Variants in TEX36 observed in about 807,000 individuals in gnomAD.
The protein encoded by TEX36 is testis-expressed protein 36.
A neutral mutation model predicts 13.6 loss-of-function variants in TEX36; 12 were observed. That is an observed-to-expected ratio of 0.88 (90% CI 0.56 to 1.43). The LOEUF is 1.43. Among genes scored for constraint, TEX36 ranks in the 40% most tolerant of loss-of-function variants. The probability of loss-of-function intolerance (pLI) is 0.00; values close to 1 mark genes in which losing one functional copy is unlikely to be tolerated. For synonymous variants in TEX36, 93 were observed against 83.0 expected, an observed-to-expected ratio of 1.12 and a Z score of -0.65; for missense variants, 224 against 228.3, an observed-to-expected ratio of 0.98 and a Z score of 0.12.
intron 1 of TEX36, among the ~76,000 whole-genome samples, chr10:125,665,765 G>A (rs1368278040): frequency 6.6e-6 from 1 of 152,122 alleles, no homozygotes; most frequent in Non-Finnish European, 1.5e-5. Flanking sequence ...TTTTGATAGA[G>A]GTTGCATTGA....
chr10:125,656,504 C>A (rs149208707), intron 3 of TEX36, among the ~76,000 whole-genome samples: 1 of 151,860 alleles, frequency 6.6e-6, no homozygotes, highest in African/African-American at 2.4e-5. Flanking sequence ...GCAATCTGCC[C>A]GCCTCAGCCT....
chr10:125,593,146 A>T (rs1473242727), intron 3 of TEX36, among the ~76,000 whole-genome samples: 2 of 152,186 alleles, frequency 1.3e-5, no homozygotes, highest in East Asian at 1.9e-4. Context: ...CACAGAGTTG[A>T]TTCTTCTGGC....
At chr10:125,603,142 G>A (rs1846170296) in intron 3 of TEX36, among the ~76,000 whole-genome samples, 1 of 152,188 alleles carries the variant, frequency 6.6e-6, no homozygotes, top group Non-Finnish European at 1.5e-5. Context: ...AGGCCAACCA[G>A]CCTTCCTGTC....
intron 3 of TEX36, among the ~76,000 whole-genome samples, chr10:125,585,193 C>T (rs1845928616): frequency 1.3e-5 from 2 of 152,062 alleles, no homozygotes; most frequent in Non-Finnish European, 2.9e-5. Context: ...GTCAGTCATC[C>T]CCTGGCTTAA....
intron 3 of TEX36, among the ~76,000 whole-genome samples, chr10:125,582,159 T>C (rs1351934649): frequency 6.6e-6 from 1 of 152,154 alleles, no homozygotes; most frequent in Non-Finnish European, 1.5e-5. Context: ...GCCAGCAGCA[T>C]CCCGCAGGGG....
chr10:125,682,101 AT>A (rs1253313465), intron 1 of TEX36, among the ~76,000 whole-genome samples: 19 of 152,318 alleles, frequency 1.2e-4, no homozygotes, highest in South Asian at 4.1e-4. Context: ...TACTGCTGTG[AT>A]TTCCCCTTAA....
At chr10:125,645,945 A>T (rs1244389443) in intron 3 of TEX36, among the ~76,000 whole-genome samples, 1 of 152,238 alleles carries the variant, frequency 6.6e-6, no homozygotes, top group Non-Finnish European at 1.5e-5. Flanking sequence ...ATCACTGACC[A>T]CAATGCAGAA....
In TEX36 at chr10:125,661,934, G is replaced by C. The variant is rs763254561; in HGVS notation, c.95C>G (p.Thr32Ser). 1.9e-6 allele frequency: 3 copies of C among 1,552,364 alleles called. No homozygotes were observed. In the South Asian group the frequency reaches 3.6e-5, roughly 18 times the overall value. Reference sequence around the variant, plus strand: ...CTGGGGCTCTTTTGACGTAGCACTGGTGATGGATTCTGGTGTCTTTTGCGT... The same window carrying C: ...CTGGGGCTCTTTTGACGTAGCACTGCTGATGGATTCTGGTGTCTTTTGCGT... ...GLTQKTPESITSATSKEPQSP... is the reference protein window; with the variant it reads ...GLTQKTPESISSATSKEPQSP... The change falls in exon 2 of 4, where the codon ACC becomes AGC. Residue 32 changes from threonine (T) to serine (S), a missense_variant. Transcript: ENST00000368821.
chr10:125,653,322 T>A (rs1379515182), downstream of TEX36, among the ~76,000 whole-genome samples: 1 of 151,832 alleles, frequency 6.6e-6, no homozygotes, highest in African/African-American at 2.4e-5. Flanking sequence ...AAAGGATGAG[T>A]TCATGTCCTT....
chr10:125,594,418 A>C (rs1413262582), intron 3 of TEX36, among the ~76,000 whole-genome samples: 1 of 152,242 alleles, frequency 6.6e-6, no homozygotes, highest in African/African-American at 2.4e-5. Context: ...TACTGATGAA[A>C]AGTGTATGCT....
intron 3 of TEX36, among the ~76,000 whole-genome samples, chr10:125,602,971 C>T (rs1846167611): frequency 6.6e-6 from 1 of 152,180 alleles, no homozygotes; most frequent in Non-Finnish European, 1.5e-5. Flanking sequence ...CAGTTCTGTC[C>T]TCTCCGGGGC....
rs1847421599 is a variant in TEX36, at chr10:125,683,019, T to C, written c.-30A>G. On this transcript the variant is annotated 5_prime_UTR_variant, in exon 1 of 4. Transcript: ENST00000368821. The stretch of plus-strand genomic sequence containing the variant: ...TCCAGGAAGCTGAATGTGGCTGAGA[T>C]TGGCTCCCTCACCTCTCCATAAGCT... 1.1e-5 allele frequency: 17 copies of C among 1,551,510 alleles called. No individual in the cohort carries two copies. The highest frequency in any genetic ancestry group is 1.4e-5 in the Non-Finnish European group (16 of 1,146,918).
intron 3 of TEX36, among the ~76,000 whole-genome samples, chr10:125,660,059 T>C (rs1039723319): frequency 6.6e-6 from 1 of 152,182 alleles, no homozygotes; most frequent in African/African-American, 2.4e-5. Context: ...ATGTAAAATA[T>C]CTCATTAATT....
At chr10:125,616,563 AG>A (rs1846361867) in intron 3 of TEX36, among the ~76,000 whole-genome samples, 1 of 98,374 alleles carries the variant, frequency 1.0e-5, no homozygotes, top group Non-Finnish European at 2.1e-5. Context: ...ATTCAGGAGC[AG>A]GTTGTTCAGT....
intron 3 of TEX36, among the ~76,000 whole-genome samples, chr10:125,582,517 G>A (rs541151189): frequency 2.6e-4 from 39 of 152,302 alleles, no homozygotes; most frequent in African/African-American, 8.4e-4. Context: ...TGCTGCGTGC[G>A]TGCCTACAGA....
exon 4 of TEX36, chr10:125,576,738 T>C: frequency 6.5e-7 from 1 of 1,534,664 alleles, no homozygotes. Flanking sequence ...AGAAACTTGC[T>C]CCCAAAGAGC....
intron 1 of TEX36, among the ~76,000 whole-genome samples, chr10:125,669,460 A>G (rs1331977691): frequency 6.6e-6 from 1 of 152,058 alleles, no homozygotes; most frequent in Non-Finnish European, 1.5e-5. Context: ...AGCCTGGGCA[A>G]CAAGAGTGAA....
At chr10:125,667,674 G>A in intron 1 of TEX36, 1 of 724,702 alleles carries the variant, frequency 1.4e-6, no homozygotes, top group Non-Finnish European at 2.5e-6. Context: ...TGGGGGAAAG[G>A]ACGCCCATCA....
chr10:125,586,638 A>C (rs1200366344), intron 3 of TEX36, among the ~76,000 whole-genome samples: 84 of 145,900 alleles, frequency 5.8e-4, no homozygotes, highest in African/African-American at 1.4e-3. Flanking sequence ...AAAAATCCAA[A>C]AAAAAAAAAA....
Sources: gnomAD v4.1 joint callset for allele counts (sites outside exome capture counted in the v4.1 genomes callset) on GRCh38, gnomAD v4.1.1 for gene constraint, MANE v1.5 for transcripts, NCBI Gene and HGNC (gene_info 2026-07-23, HGNC 2026-07-21) for gene names.